Variants in ENTREP2 observed in about 807,000 individuals in gnomAD.
ENTREP2 encodes the protein endosomal transmembrane epsin interactor 2, also known as protein ENTREP2.
At chr15:29,228,567 T>C in the ENTREP2 span, among the ~76,000 whole-genome samples, 1 of 152,178 alleles carries the variant, frequency 6.6e-6, no homozygotes, top group Non-Finnish European at 1.5e-5. Context: ...TGCCACTGAA[T>C]TGCACACTTA....
the ENTREP2 span, among the ~76,000 whole-genome samples, chr15:29,640,283 A>G: frequency 6.6e-6 from 1 of 152,216 alleles, no homozygotes; most frequent in Non-Finnish European, 1.5e-5. Flanking sequence ...AATTCCTAGA[A>G]AGACACAAAC....
chr15:29,657,140 C>T, the ENTREP2 span, among the ~76,000 whole-genome samples: 1 of 152,184 alleles, frequency 6.6e-6, no homozygotes, highest in Non-Finnish European at 1.5e-5. Context: ...CTCCGCCTCC[C>T]CCGTTCCGGC....
At chr15:29,268,792 CAA>C in the ENTREP2 span, 1 of 1,600,616 alleles carries the variant, frequency 6.2e-7, no homozygotes, top group Non-Finnish European at 8.5e-7. Flanking sequence ...ATCCACCTTT[CAA>C]GAGGATGGAG....
At chr15:29,561,332 T>C in the ENTREP2 span, among the ~76,000 whole-genome samples, 2 of 152,068 alleles carry the variant, frequency 1.3e-5, no homozygotes, top group Non-Finnish European at 2.9e-5. Flanking sequence ...CATACATATA[T>C]ACATACATAC....
At chr15:29,408,196 A>C in the ENTREP2 span, among the ~76,000 whole-genome samples, 1 of 152,230 alleles carries the variant, frequency 6.6e-6, no homozygotes, top group Non-Finnish European at 1.5e-5. Context: ...GGCAAGGACC[A>C]GCTGTTTACC....
the ENTREP2 span, among the ~76,000 whole-genome samples, chr15:29,331,356 C>T: frequency 1.3e-5 from 2 of 151,904 alleles, no homozygotes; most frequent in African/African-American, 4.8e-5. Flanking sequence ...GGGGACACCT[C>T]TCATACTACC....
the ENTREP2 span, among the ~76,000 whole-genome samples, chr15:29,631,756 C>T: frequency 6.6e-6 from 1 of 152,240 alleles, no homozygotes; most frequent in Admixed American, 6.5e-5. Flanking sequence ...CCCACTCCAT[C>T]TCTGTGGACA....
the ENTREP2 span, among the ~76,000 whole-genome samples, chr15:29,357,857 G>GAAAA: frequency 8.1e-6 from 1 of 123,292 alleles, no homozygotes; most frequent in African/African-American, 2.8e-5. Context: ...GAAAAGAAAA[G>GAAAA]AAAAAAAAAA....
the ENTREP2 span, among the ~76,000 whole-genome samples, chr15:29,295,440 A>G: frequency 6.6e-6 from 1 of 152,200 alleles, no homozygotes; most frequent in African/African-American, 2.4e-5. Context: ...ATCAGACATA[A>G]AACTCAGCAC....
chr15:29,133,606 C>T, the ENTREP2 span, among the ~76,000 whole-genome samples: 1 of 152,206 alleles, frequency 6.6e-6, no homozygotes, highest in African/African-American at 2.4e-5. Flanking sequence ...CAGCACCTGA[C>T]CCATTGCTTT....
the ENTREP2 span, among the ~76,000 whole-genome samples, chr15:29,229,085 G>C: frequency 6.6e-6 from 1 of 152,100 alleles, no homozygotes; most frequent in Non-Finnish European, 1.5e-5. Context: ...TGGGCACCTG[G>C]AAGATGGTGA....
At chr15:29,144,468 C>A in the ENTREP2 span, among the ~76,000 whole-genome samples, 3 of 152,168 alleles carry the variant, frequency 2.0e-5, no homozygotes, top group South Asian at 6.2e-4. Flanking sequence ...GTAGCTCATG[C>A]CTATCATCCA....
At chr15:29,220,662 A>G in the ENTREP2 span, among the ~76,000 whole-genome samples, 1 of 152,222 alleles carries the variant, frequency 6.6e-6, no homozygotes, top group East Asian at 1.9e-4. Context: ...ACTCCTTTAA[A>G]ATCTCAAATC....
At chr15:29,393,560 T>G in the ENTREP2 span, among the ~76,000 whole-genome samples, 15,019 of 152,176 alleles carry the variant, frequency 0.099, 1,119 homozygotes, top group African/African-American at 0.21. Flanking sequence ...CAGTGGACCT[T>G]GATGATCTGC....
At chr15:29,322,413 A>G in the ENTREP2 span, among the ~76,000 whole-genome samples, 1 of 152,202 alleles carries the variant, frequency 6.6e-6, no homozygotes, top group Non-Finnish European at 1.5e-5. Flanking sequence ...CCCCTGACCA[A>G]CATCTCCTCA....
chr15:29,434,630 C>T, the ENTREP2 span, among the ~76,000 whole-genome samples: 1 of 152,164 alleles, frequency 6.6e-6, no homozygotes, highest in East Asian at 1.9e-4. Flanking sequence ...GCAGGTTTGA[C>T]CTGAAGCATA....
At chr15:29,490,444 C>A in the ENTREP2 span, among the ~76,000 whole-genome samples, 1 of 152,190 alleles carries the variant, frequency 6.6e-6, no homozygotes, top group Non-Finnish European at 1.5e-5. Flanking sequence ...TGCTTTTATT[C>A]CCTTGTCTGA....
At chr15:29,511,073 G>A in the ENTREP2 span, among the ~76,000 whole-genome samples, 8 of 152,154 alleles carry the variant, frequency 5.3e-5, no homozygotes, top group East Asian at 1.6e-3. Flanking sequence ...GATAGCATTA[G>A]GAGAAACAAC....
the ENTREP2 span, among the ~76,000 whole-genome samples, chr15:29,272,734 T>G: frequency 6.6e-6 from 1 of 152,178 alleles, no homozygotes; most frequent in African/African-American, 2.4e-5. Context: ...AGGAGAAATG[T>G]GCATATGCGC....
Sources: gnomAD v4.1 joint callset for allele counts (sites outside exome capture counted in the v4.1 genomes callset) on GRCh38, gnomAD v4.1.1 for gene constraint, MANE v1.5 for transcripts, NCBI Gene and HGNC (gene_info 2026-07-23, HGNC 2026-07-21) for gene names.